EBF2: variants seen among roughly 807,000 people sequenced by gnomAD.
EBF2 encodes EBF transcription factor 2.
EBF2 carries 21 observed loss-of-function variants against 72.8 expected under a neutral mutation model. The ratio of observed to expected loss-of-function variants is 0.29; its 90% confidence interval spans 0.20 to 0.42. EBF2 has a LOEUF of 0.42. EBF2 is among the 10% of genes least tolerant of loss of function. EBF2 has a pLI of 1.00. For synonymous variants in EBF2, 299 were observed against 274.2 expected (o/e 1.09, Z -0.89); for missense variants, 637 against 731.2 (o/e 0.87, Z 1.49).
intron 10 of EBF2, among the ~76,000 whole-genome samples, chr8:25,886,065 G>A (rs1045194289): frequency 1.3e-5 from 2 of 151,962 alleles, no homozygotes; most frequent in African/African-American, 4.8e-5. Context: ...CCGTAAATAT[G>A]GTCTTCAATT....
intron 6 of EBF2, among the ~76,000 whole-genome samples, chr8:26,020,430 T>A (rs1167122958): frequency 6.6e-6 from 1 of 152,210 alleles, no homozygotes; most frequent in Non-Finnish European, 1.5e-5. Flanking sequence ...GAAACCAGCA[T>A]TTTATTCTTC....
intron 6 of EBF2, among the ~76,000 whole-genome samples, chr8:25,954,895 C>T (rs1803918896): frequency 6.6e-6 from 1 of 152,210 alleles, no homozygotes; most frequent in Admixed American, 6.5e-5. Context: ...GCTGCCTCTG[C>T]GAAGGTAGGA....
intron 6 of EBF2, among the ~76,000 whole-genome samples, chr8:26,008,848 A>G (rs1804928229): frequency 6.6e-6 from 1 of 151,522 alleles, no homozygotes; most frequent in Non-Finnish European, 1.5e-5. Flanking sequence ...CTCAAAAAAA[A>G]AAAAAAAAAA....
intron 6 of EBF2, among the ~76,000 whole-genome samples, chr8:25,911,547 G>A (rs1803131146): frequency 6.6e-6 from 1 of 152,148 alleles, no homozygotes; most frequent in African/African-American, 2.4e-5. Context: ...ATGCCCCAAG[G>A]GTTAGCCTTG....
At chr8:25,846,460 G>A (rs1244913432) in intron 15 of EBF2, among the ~76,000 whole-genome samples, 4 of 152,120 alleles carry the variant, frequency 2.6e-5, no homozygotes, top group Non-Finnish European at 5.9e-5. Flanking sequence ...GGCTGAGGTG[G>A]GAGGATCGCT....
chr8:25,985,824 AC>A (rs370530467), intron 6 of EBF2, among the ~76,000 whole-genome samples: 2,062 of 151,072 alleles, frequency 0.014, 22 homozygotes, highest in Non-Finnish European at 0.022. Context: ...ACACAGAGAG[AC>A]CCCCCATCTC....
intron 6 of EBF2, among the ~76,000 whole-genome samples, chr8:26,015,797 C>A (rs1025562286): frequency 6.6e-6 from 1 of 152,290 alleles, no homozygotes; most frequent in East Asian, 1.9e-4. Context: ...TGTGGCAAAG[C>A]CTAGGCCAAT....
At chr8:25,994,584 C>T (rs1167474921) in intron 6 of EBF2, among the ~76,000 whole-genome samples, 2 of 152,188 alleles carry the variant, frequency 1.3e-5, no homozygotes, top group Non-Finnish European at 2.9e-5. Context: ...GGTACATATA[C>T]ACTATGGAAT....
At chr8:25,885,276 T>G (rs1380047630) in intron 10 of EBF2, among the ~76,000 whole-genome samples, 1 of 152,190 alleles carries the variant, frequency 6.6e-6, no homozygotes, top group Non-Finnish European at 1.5e-5. Context: ...TCTTAATCAT[T>G]TTTAAGTGTG....
At chr8:26,040,776 G>A (rs1805586411) in intron 3 of EBF2, 105 bp from the exon 4 acceptor site, 4 of 1,493,608 alleles carry the variant, frequency 2.7e-6, no homozygotes, top group African/African-American at 1.4e-5. Context: ...TCTCCATGCT[G>A]AGCCGCCCTG....
intron 10 of EBF2, 21 bp downstream of exon 10, chr8:25,886,734 T>G: frequency 6.2e-7 from 1 of 1,601,704 alleles, no homozygotes; most frequent in Non-Finnish European, 8.5e-7. Flanking sequence ...CAGCCTCTCT[T>G]GGAATCGTTT....
In EBF2 at chr8:25,861,368, G is replaced by C. The variant is rs1266408051; in HGVS notation, c.1105C>G (p.Leu369Val). Residue 369 changes from leucine to valine, a missense_variant, in exon 12 of 16, where the codon CTG (leucine) becomes GTG (valine). Transcript: ENST00000520164. ...ACTAGATCTGCAGCTCTTTTCAACA[G>C]CATCTCCTGGAAAATAAGCGAGGAT... ...GDPERLAKEM[L>V]LKRAADLVEA... is the part of the protein sequence containing the mutation. The C allele has an allele frequency of 5.0e-6, 8 of 1,614,036 alleles. No homozygotes were observed. Among genetic ancestry groups the C allele is most frequent in the Non-Finnish European group, 6.8e-6 (8 of 1,180,028 alleles).
chr8:25,881,658 T>C (rs1039153062), intron 10 of EBF2, among the ~76,000 whole-genome samples: 21 of 152,192 alleles, frequency 1.4e-4, no homozygotes, highest in African/African-American at 4.8e-5. Flanking sequence ...CCTGTGCCCA[T>C]GGACCTAAGT....
chr8:25,979,291 T>A (rs1428429530), intron 6 of EBF2, among the ~76,000 whole-genome samples: 2 of 152,228 alleles, frequency 1.3e-5, no homozygotes, highest in Non-Finnish European at 2.9e-5. Flanking sequence ...CCAAGGGAAC[T>A]GCACGCTGGG....
At chr8:25,858,544 T>A in intron 13 of EBF2, 40 bp from the exon 14 acceptor site, 2 of 1,589,318 alleles carry the variant, frequency 1.3e-6, no homozygotes, top group East Asian at 2.2e-5. Flanking sequence ...TCAACAGGCG[T>A]GCACAGTCAG....
chr8:26,013,353 C>T (rs576640653), intron 6 of EBF2, among the ~76,000 whole-genome samples: 29 of 152,284 alleles, frequency 1.9e-4, no homozygotes, highest in Middle Eastern at 3.4e-3. Context: ...ACACTGCCCT[C>T]GTGAGTTCCT....
At chr8:25,990,902 C>A (rs887362440) in intron 6 of EBF2, among the ~76,000 whole-genome samples, 3 of 152,150 alleles carry the variant, frequency 2.0e-5, no homozygotes, top group Non-Finnish European at 2.9e-5. Flanking sequence ...TTTGGGTTAG[C>A]ACAAACAGGG....
At chr8:25,952,190 G>A (rs2117169976) in intron 6 of EBF2, among the ~76,000 whole-genome samples, 1 of 152,242 alleles carries the variant, frequency 6.6e-6, no homozygotes, top group East Asian at 1.9e-4. Flanking sequence ...CAACTACTCA[G>A]GAGACTGAGG....
intron 6 of EBF2, among the ~76,000 whole-genome samples, chr8:25,992,980 A>G (rs1164311448): frequency 1.3e-5 from 2 of 152,144 alleles, no homozygotes; most frequent in African/African-American, 2.4e-5. Flanking sequence ...ATGTGTGGAA[A>G]GGGACCCAGC....
Sources: allele counts gnomAD v4.1 joint callset (sites outside exome capture counted in the v4.1 genomes callset), GRCh38; gene constraint gnomAD v4.1.1; transcripts MANE v1.5; gene names NCBI Gene and HGNC (gene_info 2026-07-23, HGNC 2026-07-21).